The following G2E3 variants were observed in gnomAD, a reference collection of about 807,000 sequenced individuals.
G2E3 encodes the protein G2/M phase-specific E3 ubiquitin-protein ligase.
In G2E3, 35 loss-of-function variants were observed where a neutral mutation model predicts 92.8. That is an observed-to-expected ratio of 0.38 (90% confidence interval 0.29 to 0.50). The LOEUF (loss-of-function observed/expected upper bound fraction) is 0.50, where lower values mean the gene tolerates loss of function less well. Ranked by LOEUF, G2E3 falls within the 20% of genes least tolerant of loss-of-function variation. The pLI is 0.94. For synonymous variants in G2E3, 242 were observed against 272.4 expected, an observed-to-expected ratio of 0.89 and a Z score of 1.10; for missense variants, 554 against 823.8, an observed-to-expected ratio of 0.67 and a Z score of 4.01.
At chr14:30,560,637 A>G (rs943945346) in intron 1 of G2E3, 67 of 590,360 alleles carry the variant, frequency 1.1e-4, no homozygotes, top group South Asian at 8.1e-4. Context: ...ATTGATCGCT[A>G]TATCCTAATC....
chr14:30,582,606 T>G (rs1013493678), intron 2 of G2E3, among the ~76,000 whole-genome samples: 2 of 152,232 alleles, frequency 1.3e-5, no homozygotes, highest in Admixed American at 6.5e-5. Flanking sequence ...CTCTTTCTCT[T>G]GAGCTTTATG....
chr14:30,581,153 A>T lies in G2E3; in HGVS notation c.37+37A>T, dbSNP rs1307479804. On this transcript the variant is annotated intron_variant, in intron 2 of 14. Coordinates refer to ENST00000206595, the MANE Select transcript of G2E3 (RefSeq NM_017769.5). The stretch of plus-strand genomic sequence containing the variant: ...TATTTAAAATAATTTTATTACAATG[A>T]GTGTTTTAAATATGTTACTTAAACA... 3.5e-6 allele frequency: 4 copies of T among 1,134,328 alleles called. No individual in the cohort carries two copies. In the Admixed American group the frequency reaches 6.9e-5, roughly 20 times the overall value. The allele number at this position is 1,134,328 out of a possible 1,614,324, so 70.3% of individuals were successfully genotyped here.
intron 1 of G2E3, among the ~76,000 whole-genome samples, chr14:30,561,833 C>T (rs1488716878): frequency 2.7e-5 from 4 of 149,856 alleles, no homozygotes; most frequent in Non-Finnish European, 5.9e-5. Flanking sequence ...GGGTTAATGA[C>T]TCAAAAAGTT....
chr14:30,579,682 T>C lies in G2E3; in HGVS notation c.-4-1394T>C, dbSNP rs973093829. On this transcript the variant is annotated intron_variant, in intron 1 of 14. Transcript: ENST00000206595. ...TTTGTTCTCTTTCATTATTTTCACA[T>C]GAAGTACCATGGTGTAACCTGCAGT... Among the ~76,000 whole-genome samples the C allele has an allele frequency of 5.3e-5, 8 of 152,334 alleles. 1 individual carries two copies. In the South Asian group the frequency reaches 1.0e-3, roughly 20 times the overall value.
intron 1 of G2E3, among the ~76,000 whole-genome samples, chr14:30,566,901 A>G (rs1297329357): frequency 6.6e-6 from 1 of 152,142 alleles, no homozygotes; most frequent in Non-Finnish European, 1.5e-5. Context: ...AATGAGTTGT[A>G]TTTTGTCAAA....
At chr14:30,590,089 C>T (rs994934793) in intron 4 of G2E3, among the ~76,000 whole-genome samples, 2 of 152,002 alleles carry the variant, frequency 1.3e-5, no homozygotes, top group African/African-American at 4.8e-5. Flanking sequence ...ATGCTGTATG[C>T]AGGGAAACGT....
In G2E3 at chr14:30,617,167, A is replaced by G. The variant is rs1467056162; in HGVS notation, c.*633A>G. On this transcript the variant is annotated 3_prime_UTR_variant, in exon 15 of 15. Transcript: ENST00000206595. ...TAAAAAGCAGAATTAAGCTGGGCAC[A>G]TGTGCTTGTAATCTCAGTTATAAGG... 1.3e-5 allele frequency: 2 copies of G among 152,046 alleles called. No individual in the cohort carries two copies. Among genetic ancestry groups the G allele is most frequent in the African/African-American group, 4.8e-5 (2 of 41,414 alleles). The allele number at this position is 152,046 out of a possible 1,614,324, so 9.4% of individuals were successfully genotyped here. A position where few individuals can be genotyped will look rare whatever the true frequency, so the allele number is the denominator to read the frequency against.
At chr14:30,573,621 C>G (rs533084408) in intron 1 of G2E3, 2 of 152,140 alleles carry the variant, frequency 1.3e-5, no homozygotes, top group African/African-American at 4.8e-5. Context: ...AGGTTCCAGT[C>G]CGGATCTGAA....
chr14:30,566,396 A>AT (rs1879441062), intron 1 of G2E3, among the ~76,000 whole-genome samples: 1 of 152,128 alleles, frequency 6.6e-6, no homozygotes, highest in Admixed American at 6.5e-5. Flanking sequence ...CTTTTCATTT[A>AT]TTTACAGTTC....
intron 1 of G2E3, among the ~76,000 whole-genome samples, chr14:30,565,686 G>A (rs1193998438): frequency 2.6e-5 from 3 of 115,682 alleles, no homozygotes; most frequent in African/African-American, 1.0e-4. Context: ...TTTTGAGATG[G>A]AGTCTCGCTT....
intron 1 of G2E3, among the ~76,000 whole-genome samples, chr14:30,575,966 G>A (rs1880061786): frequency 6.6e-6 from 1 of 152,166 alleles, no homozygotes; most frequent in East Asian, 1.9e-4. Flanking sequence ...CAGATTCACT[G>A]CTATTCCTGT....
chr14:30,613,318 A>T (rs1020121132), intron 13 of G2E3, among the ~76,000 whole-genome samples: 6 of 152,106 alleles, frequency 3.9e-5, no homozygotes, highest in Non-Finnish European at 7.4e-5. Context: ...AAATTCATTT[A>T]AAAAAAAGTA....
In G2E3 at chr14:30,605,517, A is replaced by G. The variant is rs763445420; in HGVS notation, c.1023A>G (p.Lys341=). The G allele has an allele frequency of 7.3e-7, 1 of 1,362,836 alleles. No homozygotes were observed. The highest frequency in any genetic ancestry group is 1.3e-5 in the South Asian group (1 of 74,700). 84.4% of individuals were successfully genotyped at this position (1,362,836 alleles called of 1,614,324 possible). A position where few individuals can be genotyped will look rare whatever the true frequency, so the allele number is the denominator to read the frequency against. Residue 341 remains lysine, a synonymous_variant, in exon 11 of 15, where the codon AAA becomes AAG. Coordinates refer to ENST00000206595, the MANE Select transcript of G2E3 (RefSeq NM_017769.5). ...QSKDLLRQGS[K]FRRNVSTLLI... is the part of the protein sequence containing the mutation. ...TCATGTTTTATAGGCAAGGCAGCAA[A>G]TTTAGAAGAAATGTATCAACACTAT... is the stretch of plus-strand genomic sequence containing the variant.
At chr14:30,615,895 G>T (rs1882291413) in intron 14 of G2E3, among the ~76,000 whole-genome samples, 1 of 152,056 alleles carries the variant, frequency 6.6e-6, no homozygotes, top group African/African-American at 2.4e-5. Context: ...ACTGGTCAGG[G>T]CTATAACAAT....
chr14:30,576,729 AGTACATCG>A (rs2138803960), intron 1 of G2E3, among the ~76,000 whole-genome samples: 1 of 152,368 alleles, frequency 6.6e-6, no homozygotes, highest in South Asian at 2.1e-4. Flanking sequence ...AGGAATTTAG[AGTACATCG>A]AATAATGCAA....
intron 1 of G2E3, among the ~76,000 whole-genome samples, chr14:30,570,739 TGTGA>T (rs1337418363): frequency 6.6e-6 from 1 of 152,140 alleles, no homozygotes; most frequent in African/African-American, 2.4e-5. Flanking sequence ...CATTGTTGAT[TGTGA>T]GTTTTTTGCC....
intron 4 of G2E3, 53 bp downstream of exon 4, chr14:30,589,537 G>T: frequency 2.2e-6 from 2 of 908,948 alleles, no homozygotes; most frequent in Non-Finnish European, 3.5e-6. Flanking sequence ...TCAATACTTG[G>T]GAAGTCTTTT....
chr14:30,564,470 C>G (rs939152750), intron 1 of G2E3, among the ~76,000 whole-genome samples: 15 of 152,134 alleles, frequency 9.9e-5, no homozygotes, highest in South Asian at 2.1e-4. Context: ...GCAGCTAGGA[C>G]TACAGGCATT....
chr14:30,567,017 T>G (rs1267291575), intron 1 of G2E3, among the ~76,000 whole-genome samples: 1 of 152,204 alleles, frequency 6.6e-6, no homozygotes, highest in East Asian at 1.9e-4. Context: ...ACCTTTGCAT[T>G]TCTGGGATAA....
Sources: gnomAD v4.1 joint callset for allele counts (sites outside exome capture counted in the v4.1 genomes callset) on GRCh38, gnomAD v4.1.1 for gene constraint, MANE v1.5 for transcripts, NCBI Gene and HGNC (gene_info 2026-07-23, HGNC 2026-07-21) for gene names.